Variants in PHACTR4 observed in about 807,000 individuals in gnomAD.
PHACTR4 encodes protein phosphatase 1, regulatory subunit 124.
PHACTR4 carries 51 observed loss-of-function variants against 72.7 expected under a neutral mutation model. The observed-to-expected ratio is 0.70, with a 90% CI of 0.56 to 0.89. PHACTR4 has a LOEUF of 0.89. Ranked by LOEUF, PHACTR4 falls within the 40% of genes least tolerant of loss-of-function variation. PHACTR4 has a pLI of 0.00. For missense variants in PHACTR4, 731 were observed against 861.8 expected (o/e 0.85, Z 1.90); for synonymous variants, 255 against 302.5 (o/e 0.84, Z 1.63).
intron 2 of PHACTR4, among the ~76,000 whole-genome samples, chr1:28,426,998 G>T (rs1226993673): frequency 6.6e-6 from 1 of 152,014 alleles, no homozygotes; most frequent in East Asian, 1.9e-4. Flanking sequence ...AATGTGGCTA[G>T]TAAAAGTGAG....
intron 3 of PHACTR4, 137 bp downstream of exon 3, chr1:28,459,395 CT>C (rs367934288): frequency 0.16 from 44,072 of 280,588 alleles, 97 homozygotes; most frequent in Middle Eastern, 0.2. Flanking sequence ...TTTCCTTCTT[CT>C]TTTTTTTTTT....
chr1:28,470,926 G>C (rs967499644), intron 6 of PHACTR4, among the ~76,000 whole-genome samples: 1 of 151,716 alleles, frequency 6.6e-6, no homozygotes, highest in Non-Finnish European at 1.5e-5. Flanking sequence ...TTGGGAGGCT[G>C]TAGCAAGAGG....
chr1:28,391,768 G>A (rs1450322779), intron 1 of PHACTR4, among the ~76,000 whole-genome samples: 3 of 151,798 alleles, frequency 2.0e-5, no homozygotes, highest in Admixed American at 1.3e-4. Context: ...ACCATGCCCA[G>A]CTAATTTTTT....
At chr1:28,381,730 A>T (rs1652185585) in intron 1 of PHACTR4, among the ~76,000 whole-genome samples, 1 of 152,024 alleles carries the variant, frequency 6.6e-6, no homozygotes, top group South Asian at 2.1e-4. Context: ...GGCTGTATGT[A>T]TGTCTTCTTT....
At chr1:28,402,947 A>T (rs140304380) in intron 1 of PHACTR4, among the ~76,000 whole-genome samples, 2 of 152,212 alleles carry the variant, frequency 1.3e-5, no homozygotes, top group African/African-American at 4.8e-5. Flanking sequence ...GTATAATCTA[A>T]TAGAGAAATT....
intron 2 of PHACTR4, among the ~76,000 whole-genome samples, chr1:28,419,639 GA>G (rs1398167613): frequency 1.3e-5 from 2 of 151,996 alleles, no homozygotes; most frequent in Non-Finnish European, 2.9e-5. Context: ...TTATTACCTT[GA>G]TAGGTCAAAA....
chr1:28,459,384 C>A, intron 3 of PHACTR4, 126 bp downstream of exon 3: 176 of 493,718 alleles, frequency 3.6e-4, no homozygotes, highest in Non-Finnish European at 5.0e-4. Flanking sequence ...ATGTTTTATT[C>A]TTTCCTTCTT....
At chr1:28,421,002 T>G (rs969645406) in intron 2 of PHACTR4, among the ~76,000 whole-genome samples, 7 of 152,188 alleles carry the variant, frequency 4.6e-5, no homozygotes, top group Admixed American at 3.9e-4. Context: ...TTGGTCACAC[T>G]AAGTTTTGTA....
intron 1 of PHACTR4, among the ~76,000 whole-genome samples, chr1:28,379,391 G>C (rs1651956903): frequency 6.6e-6 from 1 of 150,418 alleles, no homozygotes; most frequent in African/African-American, 2.5e-5. Flanking sequence ...TTCCACCTCA[G>C]CCTCCCGGGT....
chr1:28,477,630 T>A (rs1660007829), intron 8 of PHACTR4, among the ~76,000 whole-genome samples: 1 of 152,198 alleles, frequency 6.6e-6, no homozygotes, highest in Admixed American at 6.5e-5. Context: ...TTTCTGGTTA[T>A]CTTGAAATAT....
chr1:28,456,628 ATT>A (rs544714918), intron 2 of PHACTR4, among the ~76,000 whole-genome samples: 5 of 144,836 alleles, frequency 3.5e-5, no homozygotes, highest in Admixed American at 6.9e-5. Flanking sequence ...TGCCCAACTA[ATT>A]TTTTTTTTTT....
At chr1:28,373,774 C>G (rs1256313331) in intron 1 of PHACTR4, among the ~76,000 whole-genome samples, 1 of 152,152 alleles carries the variant, frequency 6.6e-6, no homozygotes, top group African/African-American at 2.4e-5. Context: ...GTCATTTAAT[C>G]CTCACTACAG....
chr1:28,417,682 C>T (rs898444371), intron 2 of PHACTR4, among the ~76,000 whole-genome samples: 5 of 152,154 alleles, frequency 3.3e-5, no homozygotes, highest in Non-Finnish European at 5.9e-5. Context: ...CTTTGGACTG[C>T]AGTCAACCAC....
chr1:28,481,792 A>T (rs1347175131), intron 9 of PHACTR4, among the ~76,000 whole-genome samples: 1 of 148,670 alleles, frequency 6.7e-6, no homozygotes, highest in African/African-American at 2.6e-5. Context: ...TCCATCTAAA[A>T]AAAAAAAAAA....
At chr1:28,380,496 C>T (rs958963839) in intron 1 of PHACTR4, among the ~76,000 whole-genome samples, 1 of 152,174 alleles carries the variant, frequency 6.6e-6, no homozygotes, top group Non-Finnish European at 1.5e-5. Flanking sequence ...TCCAGATCCT[C>T]TCCCTGCTCC....
intron 6 of PHACTR4, among the ~76,000 whole-genome samples, chr1:28,472,892 C>T (rs371446993): frequency 1.4e-5 from 2 of 144,688 alleles, no homozygotes; most frequent in Admixed American, 7.3e-5. Context: ...ATTGGGATTA[C>T]AGGTGTGAGC....
chr1:28,405,878 G>A (rs569886328), intron 1 of PHACTR4, among the ~76,000 whole-genome samples: 5 of 151,098 alleles, frequency 3.3e-5, no homozygotes, highest in African/African-American at 1.2e-4. Flanking sequence ...ACAACAGAGC[G>A]AAACTCCATC....
rs143586135 is a variant in PHACTR4 at position 28,388,634 on chromosome 1, G to T, written c.-38-18776G>T. 1.8e-4 allele frequency among the ~76,000 whole-genome samples: 28 copies of T among 152,290 alleles called. No individual in the cohort carries two copies. The East Asian group carries it at 4.8e-3, about 26-fold the overall frequency. On this transcript the variant is annotated intron_variant, in intron 1 of 13. Coordinates refer to ENST00000373839, the MANE Select transcript of PHACTR4 (RefSeq NM_001048183.3). ...TGGGAGCCTGAGGCGGGCAGATCAC[G>T]AGGTCAAGAGATCAAAACCATCCTG...
intron 1 of PHACTR4, among the ~76,000 whole-genome samples, chr1:28,398,725 AG>A (rs1448909313): frequency 6.6e-6 from 1 of 151,964 alleles, no homozygotes; most frequent in African/African-American, 2.4e-5. Flanking sequence ...AGGCTGAGGC[AG>A]GAGAATTGCT....
Sources: gnomAD v4.1 joint callset for allele counts (sites outside exome capture counted in the v4.1 genomes callset) on GRCh38, gnomAD v4.1.1 for gene constraint, MANE v1.5 for transcripts, NCBI Gene and HGNC (gene_info 2026-07-23, HGNC 2026-07-21) for gene names.